ARHGAP5: variants seen among roughly 807,000 people sequenced by gnomAD.
The protein encoded by ARHGAP5 is rho GTPase-activating protein 5.
ARHGAP5 carries 23 observed loss-of-function variants against 116.6 expected under a neutral mutation model. That is an observed-to-expected ratio of 0.20 (90% CI 0.14 to 0.28). The LOEUF (loss-of-function observed/expected upper bound fraction) is 0.28. Ranked by LOEUF, ARHGAP5 falls within the 10% of genes least tolerant of loss-of-function variation. The pLI is 1.00. For missense variants in ARHGAP5, 1,405 were observed against 1,774.8 expected, an observed-to-expected ratio of 0.79 and a Z score of 3.74; for synonymous variants, 574 against 602.0, an observed-to-expected ratio of 0.95 and a Z score of 0.68.
chr14:32,120,716 C>G lies in ARHGAP5; in HGVS notation c.3865+3429C>G, dbSNP rs374233660. ...GTTTAATTATTTTGCATTTGAAAAA[C>G]AAGGAGTTTGATTCCAGGTTAAGTT... On this transcript the variant is annotated intron_variant, in intron 3 of 6. Transcript: ENST00000345122. 1.7e-4 allele frequency among the ~76,000 whole-genome samples: 25 copies of G among 150,772 alleles called. No individual in the cohort carries two copies. The East Asian group carries it at 4.9e-3, about 29-fold the overall frequency.
chr14:32,079,952 T>C (rs1219429139), intron 1 of ARHGAP5, among the ~76,000 whole-genome samples: 1 of 152,192 alleles, frequency 6.6e-6, no homozygotes, highest in Non-Finnish European at 1.5e-5. Flanking sequence ...TAAAAGATAC[T>C]TGTATTATAT....
At chr14:32,101,991 AAAG>A (rs1435571154) in intron 2 of ARHGAP5, among the ~76,000 whole-genome samples, 1 of 152,114 alleles carries the variant, frequency 6.6e-6, no homozygotes, top group Non-Finnish European at 1.5e-5. Context: ...AAGAAAAAAA[AAAG>A]CTTACTATAG....
At chr14:32,149,699 G>A (rs1881552757) in intron 4 of ARHGAP5, among the ~76,000 whole-genome samples, 1 of 151,970 alleles carries the variant, frequency 6.6e-6, no homozygotes, top group Non-Finnish European at 1.5e-5. Context: ...TTTGAACCCG[G>A]GAGGTGGAGG....
intron 1 of ARHGAP5, among the ~76,000 whole-genome samples, chr14:32,083,726 A>G (rs2041801299): frequency 6.6e-6 from 1 of 152,184 alleles, no homozygotes; most frequent in South Asian, 2.1e-4. Flanking sequence ...GTTAAGCCGT[A>G]TCTAAAGTTG....
rs534122270 is a variant in ARHGAP5, at chr14:32,117,046, T to G, written c.3718-94T>G. The G allele has an allele frequency of 5.1e-5, 50 of 982,758 alleles. No homozygotes were observed. In the South Asian group the frequency reaches 1.5e-3, roughly 29 times the overall value. 60.9% of individuals were successfully genotyped at this position (982,758 alleles called of 1,614,324 possible). ...TTTAGGTTGGATGTGGCTATAAAATTTTTCTTTTGATCCGAACCGTGTATT... is the reference window on the plus strand; with the variant it reads ...TTTAGGTTGGATGTGGCTATAAAATGTTTCTTTTGATCCGAACCGTGTATT... On this transcript the variant is annotated intron_variant, in intron 2 of 6. Coordinates refer to ENST00000345122, the MANE Select transcript of ARHGAP5 (RefSeq NM_001030055.2).
At chr14:32,083,919 T>C (rs1594338461) in intron 1 of ARHGAP5, among the ~76,000 whole-genome samples, 1 of 152,214 alleles carries the variant, frequency 6.6e-6, no homozygotes, top group South Asian at 2.1e-4. Context: ...TGTACCTTTA[T>C]ACATTGAAAA....
At chr14:32,109,570 G>A (rs1879186274) in intron 2 of ARHGAP5, among the ~76,000 whole-genome samples, 1 of 151,878 alleles carries the variant, frequency 6.6e-6, no homozygotes, top group Non-Finnish European at 1.5e-5. Context: ...TATATTAATA[G>A]CCATACCACT....
intron 2 of ARHGAP5, among the ~76,000 whole-genome samples, chr14:32,110,388 A>G (rs1035215283): frequency 6.6e-6 from 1 of 151,698 alleles, no homozygotes; most frequent in Non-Finnish European, 1.5e-5. Context: ...TTAAACCCCT[A>G]AGCTCAAGCT....
At chr14:32,102,895 T>C (rs113748987) in intron 2 of ARHGAP5, among the ~76,000 whole-genome samples, 2,491 of 152,338 alleles carry the variant, frequency 0.016, 71 homozygotes, top group African/African-American at 0.055. Context: ...AATATGGGGA[T>C]GACTTGGTCA....
chr14:32,157,499 T>C lies in ARHGAP5; in HGVS notation c.*2551T>C, dbSNP rs1441488878. Reference sequence around the variant, plus strand: ...CATTGTTTCATTTAAGGTTCAGTGCTTATAGTTAACTACAATATTGGACCT... The same window carrying C: ...CATTGTTTCATTTAAGGTTCAGTGCCTATAGTTAACTACAATATTGGACCT... On this transcript the variant is annotated 3_prime_UTR_variant, in exon 7 of 7. Coordinates refer to ENST00000345122, the MANE Select transcript of ARHGAP5 (RefSeq NM_001030055.2). The C allele has an allele frequency of 6.6e-6, 1 of 152,308 alleles. No homozygotes were observed. The highest frequency in any genetic ancestry group is 2.4e-5 in the African/African-American group (1 of 41,444). The allele number at this position is 152,308 out of a possible 1,614,324, so 9.4% of individuals were successfully genotyped here.
chr14:32,139,400 T>A (rs1019195565), intron 3 of ARHGAP5, among the ~76,000 whole-genome samples: 4 of 152,274 alleles, frequency 2.6e-5, no homozygotes, highest in Admixed American at 6.5e-5. Context: ...TTTATAGAGC[T>A]GTTGAGATTT....
intron 2 of ARHGAP5, among the ~76,000 whole-genome samples, chr14:32,115,840 TGGTG>T (rs1342716706): frequency 6.8e-6 from 1 of 147,300 alleles, no homozygotes; most frequent in Admixed American, 6.8e-5. Context: ...TAGCTGGGCT[TGGTG>T]GTGCATGTGG....
intron 2 of ARHGAP5, among the ~76,000 whole-genome samples, chr14:32,097,351 A>G (rs1878576359): frequency 6.6e-6 from 1 of 152,208 alleles, no homozygotes; most frequent in South Asian, 2.1e-4. Flanking sequence ...CTGTACATGT[A>G]GTTTACCTCA....
At position 32,120,378 on chromosome 14, in the gene ARHGAP5, T is replaced by C. The variant is rs751385347; in HGVS notation, c.3865+3091T>C. ...AGGACTAGCTTTTGCTTTTATTGAT[T>C]TTCCTTTTTTTTTCCATTTTTTAAT... is the stretch of plus-strand genomic sequence containing the variant. On this transcript the variant is annotated intron_variant, in intron 3 of 6. Transcript: ENST00000345122. Among the ~76,000 whole-genome samples the C allele has an allele frequency of 3.9e-5, 6 of 151,948 alleles. No homozygotes were observed. The South Asian group carries it at 1.2e-3, about 31-fold the overall frequency.
intron 3 of ARHGAP5, among the ~76,000 whole-genome samples, chr14:32,123,450 C>G (rs1879990453): frequency 6.6e-6 from 1 of 151,588 alleles, no homozygotes; most frequent in Admixed American, 6.6e-5. Context: ...TGATGTTTTC[C>G]TGTGTATATA....
In ARHGAP5 at chr14:32,090,780, G is replaced by A. The variant is rs774194759; in HGVS notation, c.111G>A (p.Leu37=). ...ACTGTGGAGTTGGAAAGTCTTGTTT[G>A]TGCAATAGATTTGTACGCTCAAAAG... ...KGNCGVGKSC[L]CNRFVRSKAD... The change falls in exon 2 of 7, where the codon TTG becomes TTA. Residue 37 remains leucine (L), a synonymous_variant. Transcript: ENST00000345122. 3.7e-6 allele frequency: 6 copies of A among 1,613,506 alleles called. No homozygotes were observed. The highest frequency in any genetic ancestry group is 2.7e-5 in the African/African-American group (2 of 74,896).
rs1188372047 is a variant in ARHGAP5 at position 32,093,530 on chromosome 14, C to A, written c.2861C>A (p.Thr954Lys). The stretch of plus-strand genomic sequence containing the variant: ...GAAAATTCTTATTTGTCTGATAATA[C>A]AAGGGAATCAACCCATCAAAGTGAA... ...MIENSYLSDN[T>K]RESTHQSEDV... is the part of the protein sequence containing the mutation. Residue 954 changes from threonine to lysine, a missense_variant, in exon 2 of 7, where the codon ACA becomes AAA. This residue lies in a region of ARHGAP5 where 944 missense variants were observed against 1,095.3 expected (regional missense o/e 0.86). Coordinates refer to ENST00000345122, the MANE Select transcript of ARHGAP5 (RefSeq NM_001030055.2). 6.2e-7 allele frequency: 1 copy of A among 1,613,594 alleles called. No individual in the cohort carries two copies.
intron 3 of ARHGAP5, among the ~76,000 whole-genome samples, chr14:32,136,448 A>C (rs1455037805): frequency 6.6e-6 from 1 of 152,110 alleles, no homozygotes; most frequent in East Asian, 1.9e-4. Flanking sequence ...TCAGTACATT[A>C]TTTCTTTTTA....
At chr14:32,127,180 T>C (rs191275984) in intron 3 of ARHGAP5, among the ~76,000 whole-genome samples, 201 of 151,736 alleles carry the variant, frequency 1.3e-3, no homozygotes, top group African/African-American at 4.6e-3. Flanking sequence ...TTTTTTTTAA[T>C]TTTTTTAGTA....
Sources: gnomAD v4.1 joint callset for allele counts (sites outside exome capture counted in the v4.1 genomes callset) on GRCh38, gnomAD v4.1.1 for gene constraint, gnomAD v4.1.1 regional missense constraint, MANE v1.5 for transcripts, NCBI Gene and HGNC (gene_info 2026-07-23, HGNC 2026-07-21) for gene names.